Variants in NALCN observed in about 807,000 individuals in gnomAD.
The protein encoded by NALCN is sodium leak channel, non-selective.
Under a neutral mutation model 225.3 loss-of-function variants are expected in NALCN, and 111 were observed. The observed-to-expected ratio is 0.49, with a 90% CI of 0.42 to 0.58. The LOEUF (loss-of-function observed/expected upper bound fraction) is 0.58. Among genes scored for constraint, NALCN ranks in the 20% least tolerant of loss-of-function variants. The probability of loss-of-function intolerance (pLI) is 0.00; values close to 1 mark genes in which losing one functional copy is unlikely to be tolerated. For synonymous variants in NALCN, 764 were observed against 769.0 expected (o/e 0.99, Z 0.11); for missense variants, 1,378 against 2,202.4 (o/e 0.63, Z 7.49).
rs759360444 is a variant in NALCN at position 101,089,810 on chromosome 13, C to G, written c.3390+36G>C. 17 of 1,613,888 alleles carry G rather than the reference C, an allele frequency of 1.1e-5. No homozygotes were observed. The highest frequency in any genetic ancestry group is 1.4e-5 in the Non-Finnish European group (16 of 1,179,920). On this transcript the variant is annotated intron_variant, in intron 29 of 43. Coordinates refer to ENST00000251127, the MANE Select transcript of NALCN (RefSeq NM_052867.4). The surrounding 1 kb of genome is among the most constrained non-coding windows in gnomAD (Gnocchi z 4.7). ...TTCATCAAAACAAATGAAAGCTGCT[C>G]TTGAAGTGTTCAAAGGATTCGATGT...
intron 17 of NALCN, among the ~76,000 whole-genome samples, chr13:101,128,339 G>A (rs573789771): frequency 4.4e-4 from 67 of 152,190 alleles, no homozygotes; most frequent in Non-Finnish European, 7.9e-4. Context: ...GTTAAAACAC[G>A]TTTCCAGAAT....
chr13:101,404,603 T>C (rs2047565238), intron 1 of NALCN, among the ~76,000 whole-genome samples: 1 of 152,232 alleles, frequency 6.6e-6, no homozygotes, highest in Admixed American at 6.5e-5. Context: ...GAATTTTCTT[T>C]AGGGTGCTTA....
At chr13:101,331,077 G>A (rs138331482) in intron 7 of NALCN, among the ~76,000 whole-genome samples, 2 of 152,098 alleles carry the variant, frequency 1.3e-5, no homozygotes, top group Non-Finnish European at 2.9e-5. Context: ...CAGTAAGAAC[G>A]GCTGATATCC....
At chr13:101,105,091 G>A (rs2035027109) in intron 22 of NALCN, 141 bp from the exon 23 acceptor site, 8 of 642,656 alleles carry the variant, frequency 1.2e-5, no homozygotes, top group Non-Finnish European at 2.1e-5. Flanking sequence ...TATGTTAACT[G>A]TAGGTAACTC....
intron 6 of NALCN, among the ~76,000 whole-genome samples, chr13:101,354,849 A>G (rs769931086): frequency 1.6e-4 from 25 of 152,162 alleles, no homozygotes; most frequent in South Asian, 8.3e-4. Flanking sequence ...GGCCAGACAT[A>G]CTAACGACTC....
chr13:101,166,975 C>G (rs2139893858), intron 15 of NALCN, among the ~76,000 whole-genome samples: 1 of 152,260 alleles, frequency 6.6e-6, no homozygotes, highest in East Asian at 1.9e-4. Context: ...AGAGACTGTC[C>G]TTTCCCCATA....
intron 7 of NALCN, among the ~76,000 whole-genome samples, chr13:101,296,550 A>C (rs1594624726): frequency 6.6e-6 from 1 of 152,162 alleles, no homozygotes; most frequent in Non-Finnish European, 1.5e-5. Flanking sequence ...CATTTAAAAT[A>C]TTTTTTCTAG....
At chr13:101,213,221 T>A (rs1345985997) in intron 13 of NALCN, among the ~76,000 whole-genome samples, 1 of 152,052 alleles carries the variant, frequency 6.6e-6, no homozygotes. Flanking sequence ...TAATAAATGG[T>A]GCTGGGAAAA....
At chr13:101,288,322 T>C (rs1594609098) in intron 9 of NALCN, among the ~76,000 whole-genome samples, 1 of 152,252 alleles carries the variant, frequency 6.6e-6, no homozygotes, top group Non-Finnish European at 1.5e-5. Context: ...ATAAATGGTC[T>C]TGGAACACAG....
intron 9 of NALCN, among the ~76,000 whole-genome samples, chr13:101,287,303 A>G (rs2043374381): frequency 1.3e-5 from 2 of 152,202 alleles, no homozygotes; most frequent in Non-Finnish European, 2.9e-5. Flanking sequence ...TTTTTAAGAA[A>G]AGAAAAGTTA....
At chr13:101,194,743 C>T (rs958602499) in intron 13 of NALCN, among the ~76,000 whole-genome samples, 2 of 152,216 alleles carry the variant, frequency 1.3e-5, no homozygotes, top group Non-Finnish European at 2.9e-5. Context: ...ATGGCTCACG[C>T]CTGTAATCCC....
At chr13:101,317,277 C>A (rs2044585732) in intron 7 of NALCN, among the ~76,000 whole-genome samples, 1 of 152,108 alleles carries the variant, frequency 6.6e-6, no homozygotes, top group Non-Finnish European at 1.5e-5. Flanking sequence ...AACATCTTTA[C>A]AGGTGAGGAC....
intron 3 of NALCN, among the ~76,000 whole-genome samples, chr13:101,392,333 AG>A (rs1223746201): frequency 6.6e-6 from 1 of 152,204 alleles, no homozygotes; most frequent in African/African-American, 2.4e-5. Flanking sequence ...TTGACCCAGT[AG>A]GGATTTTTCT....
intron 34 of NALCN, among the ~76,000 whole-genome samples, chr13:101,076,406 C>T (rs1198588278): frequency 6.6e-6 from 1 of 152,180 alleles, no homozygotes; most frequent in Non-Finnish European, 1.5e-5. Flanking sequence ...TCAGAGAGGT[C>T]CTCCCTGCTC....
intron 7 of NALCN, among the ~76,000 whole-genome samples, chr13:101,293,597 C>T (rs2043628385): frequency 6.6e-6 from 1 of 152,122 alleles, no homozygotes; most frequent in Non-Finnish European, 1.5e-5. Context: ...GTGCATATGA[C>T]CAAGTATCCA....
At chr13:101,255,869 C>T (rs1462764243) in intron 11 of NALCN, among the ~76,000 whole-genome samples, 1 of 152,178 alleles carries the variant, frequency 6.6e-6, no homozygotes, top group Non-Finnish European at 1.5e-5. Flanking sequence ...TCCATTACTC[C>T]TTGATACTCC....
intron 6 of NALCN, chr13:101,368,786 T>G: frequency 6.4e-6 from 1 of 155,768 alleles, no homozygotes; most frequent in South Asian, 1.8e-4. Flanking sequence ...CAGGCAGATC[T>G]CTTGAGGTCA....
chr13:101,326,783 A>ATGGGTGATTCTTCTGCTGATCTCAGC (rs1344355496), intron 7 of NALCN, among the ~76,000 whole-genome samples: 1 of 152,190 alleles, frequency 6.6e-6, no homozygotes, highest in Non-Finnish European at 1.5e-5. Context: ...CTAGGGTCAG[A>ATGGGTGATTCTTCTGCTGATCTCAGC]TGGGTGATTC....
chr13:101,159,457 G>A (rs1176844286), intron 15 of NALCN, among the ~76,000 whole-genome samples: 3 of 152,162 alleles, frequency 2.0e-5, no homozygotes, highest in Non-Finnish European at 4.4e-5. Flanking sequence ...TGGGGATTGC[G>A]GTTTGTGTAG....
Sources: allele counts gnomAD v4.1 joint callset (sites outside exome capture counted in the v4.1 genomes callset), GRCh38; gene constraint gnomAD v4.1.1; non-coding constraint Gnocchi (gnomAD v3.1); transcripts MANE v1.5; gene names NCBI Gene and HGNC (gene_info 2026-07-23, HGNC 2026-07-21).